The following IGF2R variants were observed in gnomAD, a reference collection of about 807,000 sequenced individuals.
The protein encoded by IGF2R is insulin like growth factor 2 receptor.
A neutral mutation model predicts 270.6 loss-of-function variants in IGF2R; 91 were observed. That is an observed-to-expected ratio of 0.34 (90% CI 0.28 to 0.40). IGF2R has a LOEUF of 0.40. IGF2R is among the 10% of genes least tolerant of loss of function. The probability of loss-of-function intolerance (pLI) is 1.00; values close to 1 mark genes in which losing one functional copy is unlikely to be tolerated. For synonymous variants in IGF2R, 1,316 were observed against 1,258.9 expected, an observed-to-expected ratio of 1.05 and a Z score of -0.96; for missense variants, 2,805 against 3,188.3, an observed-to-expected ratio of 0.88 and a Z score of 2.90.
intron 29 of IGF2R, among the ~76,000 whole-genome samples, chr6:160,065,382 A>T (rs543248966): frequency 1.3e-5 from 2 of 152,270 alleles, no homozygotes; most frequent in African/African-American, 4.8e-5. Flanking sequence ...AGTATGAGCC[A>T]CTTGATCACT....
chr6:160,040,412 A>C, intron 10 of IGF2R, 148 bp from the exon 11 acceptor site: 1 of 626,288 alleles, frequency 1.6e-6, no homozygotes, highest in Non-Finnish European at 2.9e-6. Context: ...GTGTCAACTC[A>C]GATCCCCATG....
At chr6:159,999,274 T>A (rs1261904388) in intron 2 of IGF2R, among the ~76,000 whole-genome samples, 1 of 152,218 alleles carries the variant, frequency 6.6e-6, no homozygotes, top group Non-Finnish European at 1.5e-5. Flanking sequence ...TTACCTGCTC[T>A]TACACAAGGA....
intron 26 of IGF2R, 65 bp from the exon 27 acceptor site, chr6:160,063,350 T>C: frequency 7.6e-7 from 1 of 1,318,812 alleles, no homozygotes; most frequent in Non-Finnish European, 1.1e-6. Context: ...TGTAAAGCTT[T>C]TTGCTTGAAA....
intron 1 of IGF2R, among the ~76,000 whole-genome samples, chr6:159,980,215 G>GAAAAGAAAAGAAAAGAAAAGA (rs966480836): frequency 1.1e-5 from 1 of 87,928 alleles, no homozygotes; most frequent in African/African-American, 4.0e-5. Context: ...AAGAAAGAAA[G>GAAAAGAAAAGAAAAGAAAAGA]AAAGAAAGAA....
In IGF2R at chr6:160,059,557, G is replaced by T. The variant is rs576299571; in HGVS notation, c.3091+459G>T. Among the ~76,000 whole-genome samples the T allele has an allele frequency of 1.3e-4, 20 of 152,322 alleles. No individual in the cohort carries two copies. The South Asian group carries it at 3.9e-3, about 30-fold the overall frequency. ...TATCCCCCCGCAGATAAGGGGGGCT[G>T]CTGTAGCCTGTATTCAACACAGCAG... On this transcript the variant is annotated intron_variant, in intron 22 of 47. Transcript: ENST00000356956.
chr6:160,070,858 T>C (rs1290880681), intron 31 of IGF2R, among the ~76,000 whole-genome samples: 1 of 152,198 alleles, frequency 6.6e-6, no homozygotes, highest in Admixed American at 6.5e-5. Flanking sequence ...CCCTCTTGCC[T>C]GGAGCGGCAG....
chr6:160,071,058 A>G (rs950278685), intron 31 of IGF2R, among the ~76,000 whole-genome samples: 1 of 151,128 alleles, frequency 6.6e-6, no homozygotes, highest in African/African-American at 2.4e-5. Context: ...GCTGGGAGGG[A>G]AGGGTGAAGG....
intron 1 of IGF2R, among the ~76,000 whole-genome samples, chr6:159,977,225 A>G: frequency 6.6e-6 from 1 of 151,808 alleles, no homozygotes; most frequent in East Asian, 1.9e-4. Context: ...CCTTGGGCCC[A>G]GTTTCTTTGG....
In IGF2R at chr6:160,061,610, G is replaced by A. The variant is rs8191843; in HGVS notation, c.3370G>A (p.Val1124Ile). ...DGRKRTFYLSVCNPLPYIPGC... is the reference protein window; with the variant it reads ...DGRKRTFYLSICNPLPYIPGC... ...GAGAAAGAGGACTTTCTATTTGAGC[G>A]TTTGCAATCCTCTCCCTTACATTCC... Residue 1124 changes from valine (V) to isoleucine (I), a missense_variant, in exon 24 of 48, where the codon GTT (valine) becomes ATT (isoleucine). Val to Ile is a conservative substitution (Grantham distance 29). Around this residue, in one of 2 missense-constraint regions of IGF2R, gnomAD observed 1,851 missense variants for 2,207.2 expected, o/e 0.84. Coordinates refer to ENST00000356956, the MANE Select transcript of IGF2R (RefSeq NM_000876.4). 1.8e-4 allele frequency: 290 copies of A among 1,614,164 alleles called. No homozygotes were observed. The highest frequency in any genetic ancestry group is 2.3e-4 in the Non-Finnish European group (271 of 1,180,022).
rs1049904369 is a variant in IGF2R, at chr6:160,096,561, A to G, written c.6778A>G (p.Ser2260Gly). 5 of 1,614,192 alleles carry G rather than the reference A, an allele frequency of 3.1e-6. No homozygotes were observed. The South Asian group carries it at 4.4e-5, about 14-fold the overall frequency. The change falls in exon 45 of 48, where the codon AGT becomes GGT. Residue 2260 changes from serine (S) to glycine (G), a missense_variant. Physicochemically the swap from Ser to Gly is moderately conservative, Grantham distance 56. Around this residue, in one of 2 missense-constraint regions of IGF2R, gnomAD observed 1,851 missense variants for 2,207.2 expected, o/e 0.84. Coordinates refer to ENST00000356956, the MANE Select transcript of IGF2R (RefSeq NM_000876.4). ...GGTGGAGGACGGGATCCCCGAGTTC[A>G]GTCACGAGACTGCCGACTGCCAGTA... ...PLVEDGIPEF[S>G]HETADCQYLF... is the part of the protein sequence containing the mutation.
At chr6:160,027,127 TA>T in intron 5 of IGF2R, 57 bp from the exon 6 acceptor site, 1 of 1,586,358 alleles carries the variant, frequency 6.3e-7, no homozygotes, top group Non-Finnish European at 8.7e-7. Flanking sequence ...GGTCTAAGGG[TA>T]CGTGTGATTA....
chr6:160,065,793 TG>T (rs1362924902), intron 29 of IGF2R, among the ~76,000 whole-genome samples: 3 of 58,052 alleles, frequency 5.2e-5, no homozygotes, highest in African/African-American at 2.6e-4. Context: ...TGTGTGTGTG[TG>T]TGTGTGTGTG....
At position 160,050,513 on chromosome 6, in the gene IGF2R, T is replaced by C. The variant is rs757425688; in HGVS notation, c.2555T>C (p.Met852Thr). The change falls in exon 19 of 48, where the codon ATG becomes ACG. Residue 852 changes from methionine (M) to threonine (T), a missense_variant. Around this residue, in one of 2 missense-constraint regions of IGF2R, gnomAD observed 1,851 missense variants for 2,207.2 expected, o/e 0.84. Transcript: ENST00000356956. This position sits in a 1 kb window ranked among gnomAD's most constrained non-coding sequence, Gnocchi z 4.0. The part of the protein sequence containing the change: ...TEVVSISNLG[M>T]AKTGPVVEDS... ...GTGGTTTCCATCAGTAACTTGGGAA[T>C]GGCAAAGACCGGCCCGGTGGTTGAG... 4 of 1,613,714 alleles carry C rather than the reference T, an allele frequency of 2.5e-6. No individual in the cohort carries two copies. The highest frequency in any genetic ancestry group is 1.1e-5 in the South Asian group (1 of 91,070).
chr6:160,011,522 A>G (rs968769757), intron 4 of IGF2R, among the ~76,000 whole-genome samples: 1 of 151,252 alleles, frequency 6.6e-6, no homozygotes, highest in African/African-American at 2.4e-5. Context: ...ACATTGAGCT[A>G]ATTACATATG....
intron 21 of IGF2R, 46 bp downstream of exon 21, chr6:160,058,170 A>G: frequency 1.6e-6 from 2 of 1,283,666 alleles, no homozygotes; most frequent in Non-Finnish European, 2.3e-6. Context: ...AAACAGGGGG[A>G]GAGTGCATTA....
intron 44 of IGF2R, chr6:160,095,344 T>G (rs906045714): frequency 3.3e-5 from 5 of 152,574 alleles, no homozygotes; most frequent in Non-Finnish European, 5.9e-5. Flanking sequence ...CTCAGTGTTA[T>G]GTGCACTGGA....
At chr6:160,034,575 TTG>T in intron 10 of IGF2R, 53 bp downstream of exon 10, 3 of 1,166,386 alleles carry the variant, frequency 2.6e-6, no homozygotes, top group South Asian at 2.4e-5. Flanking sequence ...GGGCATGTGC[TTG>T]TGTGTGTGCA....
chr6:160,025,956 A>G (rs1777550992), intron 5 of IGF2R, among the ~76,000 whole-genome samples: 1 of 152,236 alleles, frequency 6.6e-6, no homozygotes, highest in African/African-American at 2.4e-5. Context: ...CAATTTGAGT[A>G]GAGCTTGAAT....
intron 10 of IGF2R, among the ~76,000 whole-genome samples, chr6:160,038,519 T>G (rs1352162738): frequency 6.6e-6 from 1 of 152,248 alleles, no homozygotes; most frequent in Non-Finnish European, 1.5e-5. Flanking sequence ...TGTAGTAGTA[T>G]TTAATTATTT....
Sources: gnomAD v4.1 joint callset for allele counts (sites outside exome capture counted in the v4.1 genomes callset) on GRCh38, gnomAD v4.1.1 for gene constraint, gnomAD v4.1.1 regional missense constraint, Gnocchi (gnomAD v3.1) non-coding constraint, MANE v1.5 for transcripts, NCBI Gene and HGNC (gene_info 2026-07-23, HGNC 2026-07-21) for gene names.